Variants in RBFOX1 observed in about 807,000 individuals in gnomAD.
RBFOX1 encodes the protein RNA binding fox-1 homolog 1.
A neutral mutation model predicts 57.7 loss-of-function variants in RBFOX1; 8 were observed. That is an observed-to-expected ratio of 0.14 (90% CI 0.08 to 0.25). RBFOX1 has a LOEUF of 0.25. RBFOX1 is among the 10% of genes least tolerant of loss of function. The pLI, the probability that RBFOX1 is intolerant of heterozygous loss-of-function variation, is 1.00. For missense variants in RBFOX1, 611 were observed against 548.5 expected (o/e 1.11, Z -1.14); for synonymous variants, 326 against 222.4 (o/e 1.47, Z -4.15).
intron 4 of RBFOX1, among the ~76,000 whole-genome samples, chr16:5,962,147 T>A (rs1465534476): frequency 6.6e-6 from 1 of 152,172 alleles, no homozygotes; most frequent in East Asian, 1.9e-4. Flanking sequence ...TCTTTAAGAT[T>A]TTCCAGAGAT....
At chr16:5,648,336 G>A (rs1006315276) in intron 3 of RBFOX1, among the ~76,000 whole-genome samples, 4 of 152,240 alleles carry the variant, frequency 2.6e-5, no homozygotes, top group African/African-American at 9.6e-5. Context: ...TAAAAAACCA[G>A]AGTAAGAGAA....
intron 2 of RBFOX1, among the ~76,000 whole-genome samples, chr16:6,553,809 G>T (rs1047436494): frequency 1.3e-5 from 2 of 152,156 alleles, no homozygotes; most frequent in Non-Finnish European, 2.9e-5. Context: ...GGAATTTCAT[G>T]GAGACAGCAA....
upstream of RBFOX1, among the ~76,000 whole-genome samples, chr16:6,017,961 C>G (rs2095007003): frequency 6.6e-6 from 1 of 152,160 alleles, no homozygotes; most frequent in African/African-American, 2.4e-5. Context: ...ATCAAGTGCT[C>G]AAGGCTGGAA....
At chr16:6,626,139 G>GTT (rs112941400) in intron 2 of RBFOX1, among the ~76,000 whole-genome samples, 59 of 137,216 alleles carry the variant, frequency 4.3e-4, no homozygotes, top group African/African-American at 7.5e-4. Flanking sequence ...AATTCTGCAG[G>GTT]TTTTTTTTTT....
chr16:6,084,227 C>A (rs1404158230), intron 1 of RBFOX1, among the ~76,000 whole-genome samples: 1 of 151,942 alleles, frequency 6.6e-6, no homozygotes. Context: ...GGTCCTTCCT[C>A]CTTATTTATT....
intron 4 of RBFOX1, among the ~76,000 whole-genome samples, chr16:7,138,712 G>A (rs1378854893): frequency 6.6e-6 from 1 of 152,110 alleles, no homozygotes; most frequent in African/African-American, 2.4e-5. Context: ...CAGATATATA[G>A]GCTGCATTTC....
intron 3 of RBFOX1, among the ~76,000 whole-genome samples, chr16:5,656,041 A>G (rs2049418475): frequency 2.0e-5 from 3 of 152,202 alleles, no homozygotes; most frequent in Non-Finnish European, 4.4e-5. Flanking sequence ...AAGCTTGTGG[A>G]AAGATTGACT....
At chr16:6,935,111 A>G (rs2077156716) in intron 3 of RBFOX1, among the ~76,000 whole-genome samples, 1 of 152,160 alleles carries the variant, frequency 6.6e-6, no homozygotes, top group Admixed American at 6.6e-5. Context: ...AGAAAAAGAA[A>G]AAACAGCTTA....
At chr16:5,771,277 C>T (rs769423495) in intron 3 of RBFOX1, among the ~76,000 whole-genome samples, 1 of 152,226 alleles carries the variant, frequency 6.6e-6, no homozygotes, top group Non-Finnish European at 1.5e-5. Context: ...AAGCTCTGAC[C>T]TGGAGGGACT....
At chr16:5,608,180 G>A (rs908253338) in intron 3 of RBFOX1, among the ~76,000 whole-genome samples, 1 of 152,166 alleles carries the variant, frequency 6.6e-6, no homozygotes, top group Admixed American at 6.5e-5. Context: ...CGCATACCTT[G>A]TGAATTGTCA....
At chr16:7,213,436 A>G (rs1009434309) in intron 4 of RBFOX1, among the ~76,000 whole-genome samples, 4 of 152,154 alleles carry the variant, frequency 2.6e-5, no homozygotes, top group African/African-American at 9.7e-5. Flanking sequence ...GACATTAAAG[A>G]TTCACAAAAT....
chr16:5,780,729 A>G (rs1233603248), intron 3 of RBFOX1, among the ~76,000 whole-genome samples: 19 of 152,180 alleles, frequency 1.2e-4, no homozygotes, highest in Non-Finnish European at 2.5e-4. Context: ...TTCCACCGTT[A>G]AGTCACTTGA....
chr16:6,813,293 C>A lies in RBFOX1; in HGVS notation c.-16+158643C>A, dbSNP rs189785271. ...TGGCAGTCCTCAAAACAGCCATATTCCATGAAACAACCCTCTTCGTTTCTA... is the reference window on the plus strand; with the variant it reads ...TGGCAGTCCTCAAAACAGCCATATTACATGAAACAACCCTCTTCGTTTCTA... On this transcript the variant is annotated intron_variant, in intron 3 of 15. Coordinates refer to ENST00000550418, the MANE Select transcript of RBFOX1 (RefSeq NM_018723.4). Among the ~76,000 whole-genome samples the A allele has an allele frequency of 1.4e-4, 21 of 152,268 alleles. 1 individual carries two copies. The East Asian group carries it at 4.1e-3, about 30-fold the overall frequency.
intron 4 of RBFOX1, among the ~76,000 whole-genome samples, chr16:7,135,704 T>C (rs1249291487): frequency 1.3e-5 from 2 of 152,276 alleles, no homozygotes; most frequent in African/African-American, 4.8e-5. Context: ...AAGGCCTAAG[T>C]GAATTGAAAT....
intron 4 of RBFOX1, among the ~76,000 whole-genome samples, chr16:7,250,696 T>C (rs2094470839): frequency 6.6e-6 from 1 of 152,210 alleles, no homozygotes; most frequent in Non-Finnish European, 1.5e-5. Context: ...ATTTTCAGAA[T>C]TTTTTATGTA....
chr16:6,181,093 A>T (rs1476596496), intron 1 of RBFOX1, among the ~76,000 whole-genome samples: 1 of 152,164 alleles, frequency 6.6e-6, no homozygotes, highest in Non-Finnish European at 1.5e-5. Context: ...TCACCTCTGC[A>T]TCTGCACACT....
chr16:6,039,643 A>G (rs2095414688), intron 1 of RBFOX1, among the ~76,000 whole-genome samples: 1 of 152,166 alleles, frequency 6.6e-6, no homozygotes, highest in Non-Finnish European at 1.5e-5. Flanking sequence ...GTGTTCAGTT[A>G]TTTTGAGGAA....
At chr16:7,028,054 G>A (rs898229695) in intron 3 of RBFOX1, among the ~76,000 whole-genome samples, 1 of 152,090 alleles carries the variant, frequency 6.6e-6, no homozygotes, top group African/African-American at 2.4e-5. Flanking sequence ...AGCACAGAAA[G>A]TGTTCGCAGC....
At chr16:6,849,298 G>C (rs142655429) in intron 3 of RBFOX1, among the ~76,000 whole-genome samples, 1 of 152,116 alleles carries the variant, frequency 6.6e-6, no homozygotes, top group Admixed American at 6.5e-5. Context: ...CTGCTCATTG[G>C]CAAAAATCGT....
Sources: gnomAD v4.1 joint callset for allele counts (sites outside exome capture counted in the v4.1 genomes callset) on GRCh38, gnomAD v4.1.1 for gene constraint, MANE v1.5 for transcripts, NCBI Gene and HGNC (gene_info 2026-07-23, HGNC 2026-07-21) for gene names.